Variants in PSD3 observed in about 807,000 individuals in gnomAD.
The protein encoded by PSD3 is pleckstrin and Sec7 domain containing 3, also known as PH and SEC7 domain-containing protein 3.
A neutral mutation model predicts 105.5 loss-of-function variants in PSD3; 49 were observed. That is an observed-to-expected ratio of 0.46 (90% CI 0.37 to 0.59). The LOEUF is 0.59. PSD3 is among the 20% of genes least tolerant of loss of function. The probability of loss-of-function intolerance (pLI) is 0.00; values close to 1 mark genes in which losing one functional copy is unlikely to be tolerated. For synonymous variants in PSD3, 557 were observed against 457.8 expected (o/e 1.22, Z -2.77); for missense variants, 1,561 against 1,263.8 (o/e 1.24, Z -3.57).
At chr8:18,804,463 C>G (rs540569766) in intron 6 of PSD3, 59 bp downstream of exon 6, 7 of 1,401,474 alleles carry the variant, frequency 5.0e-6, no homozygotes, top group Non-Finnish European at 6.9e-6. Flanking sequence ...ACATTACTTT[C>G]TTCTCTAAGA....
intron 4 of PSD3, among the ~76,000 whole-genome samples, chr8:18,856,399 G>T (rs1816009609): frequency 6.6e-6 from 1 of 151,538 alleles, no homozygotes; most frequent in Non-Finnish European, 1.5e-5. Flanking sequence ...ACTATGCCAG[G>T]GGTTCTCTGA....
intron 9 of PSD3, among the ~76,000 whole-genome samples, chr8:18,666,237 G>A (rs956768932): frequency 6.6e-6 from 1 of 152,184 alleles, no homozygotes; most frequent in African/African-American, 2.4e-5. Context: ...TTTTAGTAGA[G>A]ACAGGGTTTC....
In PSD3 at chr8:18,845,276, G is replaced by A. The variant is rs187067987; in HGVS notation, c.1634+22398C>T. 1.6e-3 allele frequency among the ~76,000 whole-genome samples: 248 copies of A among 152,300 alleles called. 1 individual carries two copies. The highest frequency in any genetic ancestry group is 2.4e-3 in the Non-Finnish European group (161 of 68,036). The stretch of plus-strand genomic sequence containing the variant: ...TAGATATGACTTTGAAGAGGATGGC[G>A]AGAGGAACGGCTGTCATCTCAGTAG... On this transcript the variant is annotated intron_variant, in intron 4 of 15. Coordinates refer to ENST00000327040, the MANE Select transcript of PSD3 (RefSeq NM_015310.4).
At chr8:18,831,952 A>G (rs1174947520) in intron 4 of PSD3, among the ~76,000 whole-genome samples, 1 of 152,226 alleles carries the variant, frequency 6.6e-6, no homozygotes, top group African/African-American at 2.4e-5. Flanking sequence ...ATAACTTGAG[A>G]AAAGTTGAAA....
intron 4 of PSD3, chr8:18,865,198 C>T (rs1329043641): frequency 8.2e-5 from 10 of 121,434 alleles, no homozygotes; most frequent in African/African-American, 3.1e-4. Context: ...TAAGATATCC[C>T]ACCAAACTGG....
At chr8:18,988,770 A>G (rs1009706272) in intron 1 of PSD3, among the ~76,000 whole-genome samples, 1 of 152,234 alleles carries the variant, frequency 6.6e-6, no homozygotes, top group Non-Finnish European at 1.5e-5. Context: ...CTTTTAAGGA[A>G]CAGAAATATG....
chr8:18,769,390 G>A (rs1231024110), intron 8 of PSD3, among the ~76,000 whole-genome samples: 2 of 152,096 alleles, frequency 1.3e-5, no homozygotes, highest in Non-Finnish European at 2.9e-5. Flanking sequence ...ACTAAAATAT[G>A]AGTATAAAAA....
chr8:18,629,674 A>AATG (rs1563398061), intron 11 of PSD3, among the ~76,000 whole-genome samples: 3 of 151,968 alleles, frequency 2.0e-5, no homozygotes, highest in Non-Finnish European at 4.4e-5. Context: ...AAAGACAGAT[A>AATG]ATCATCTGTC....
At chr8:18,822,711 G>T (rs1563313648) in intron 4 of PSD3, among the ~76,000 whole-genome samples, 1 of 152,142 alleles carries the variant, frequency 6.6e-6, no homozygotes, top group Non-Finnish European at 1.5e-5. Flanking sequence ...AAAACAGCTT[G>T]CACTCATGTT....
At chr8:19,033,345 A>ATC (rs1827833155) in intron 1 of PSD3, among the ~76,000 whole-genome samples, 1 of 152,058 alleles carries the variant, frequency 6.6e-6, no homozygotes, top group African/African-American at 2.4e-5. Flanking sequence ...CCTCTAGTAA[A>ATC]TGATTGATTA....
At position 18,555,732 on chromosome 8, in the gene PSD3, C is replaced by A. The variant is rs139632036; in HGVS notation, c.2928+477G>T. Among the ~76,000 whole-genome samples the A allele has an allele frequency of 5.3e-5, 8 of 152,294 alleles. No homozygotes were observed. In the East Asian group the frequency reaches 1.5e-3, roughly 29 times the overall value. On this transcript the variant is annotated intron_variant, in intron 15 of 15. Coordinates refer to ENST00000327040, the MANE Select transcript of PSD3 (RefSeq NM_015310.4). Reference sequence around the variant, plus strand: ...ATGTGCCACAACTTAATTTATCAACCCCCTTCTGAAGGGCAGTGGGTGACA... The same window carrying A: ...ATGTGCCACAACTTAATTTATCAACACCCTTCTGAAGGGCAGTGGGTGACA...
intron 2 of PSD3, among the ~76,000 whole-genome samples, chr8:18,878,242 A>G (rs1817863975): frequency 6.6e-6 from 1 of 152,156 alleles, no homozygotes; most frequent in Non-Finnish European, 1.5e-5. Flanking sequence ...ATCATTCAGT[A>G]GCCATGCATA....
At chr8:18,953,556 C>T (rs1823377333) in intron 1 of PSD3, among the ~76,000 whole-genome samples, 2 of 152,092 alleles carry the variant, frequency 1.3e-5, no homozygotes, top group South Asian at 4.1e-4. Context: ...CAAGACCAGC[C>T]TGGCCAACAT....
intron 8 of PSD3, among the ~76,000 whole-genome samples, chr8:18,798,573 G>A (rs186125699): frequency 1.6e-4 from 24 of 151,864 alleles, no homozygotes; most frequent in Non-Finnish European, 3.2e-4. Flanking sequence ...GATATATTAC[G>A]GCAAATCAAG....
chr8:18,835,586 G>A (rs1814038848), intron 4 of PSD3, among the ~76,000 whole-genome samples: 1 of 152,178 alleles, frequency 6.6e-6, no homozygotes, highest in East Asian at 1.9e-4. Context: ...ACAGCCAAGG[G>A]GCCGTGGGGA....
At chr8:18,596,976 C>A (rs577535125) in intron 12 of PSD3, among the ~76,000 whole-genome samples, 1 of 152,096 alleles carries the variant, frequency 6.6e-6, no homozygotes, top group South Asian at 2.1e-4. Flanking sequence ...TTTTATGAGG[C>A]CAGCATGACC....
At chr8:18,859,912 C>T (rs1414993900) in intron 4 of PSD3, among the ~76,000 whole-genome samples, 1 of 152,220 alleles carries the variant, frequency 6.6e-6, no homozygotes, top group Non-Finnish European at 1.5e-5. Context: ...TATGAAGTAG[C>T]ACTTTTAATT....
rs561109260 is a variant in PSD3 at position 18,716,565 on chromosome 8, G to A, written c.2172+48884C>T. ...AGTGGGAGAGGAAATAATGAGAGAT[G>A]AGGCAGGGAGGGTATTCAAGACCCA... On this transcript the variant is annotated intron_variant, in intron 9 of 15. Transcript: ENST00000327040. Among the ~76,000 whole-genome samples the A allele has an allele frequency of 1.9e-4, 29 of 152,266 alleles. No homozygotes were observed. In the Middle Eastern group the frequency reaches 0.014, roughly 71 times the overall value.
At chr8:19,083,772 T>C (rs1829717595) in intron 1 of PSD3, among the ~76,000 whole-genome samples, 1 of 152,128 alleles carries the variant, frequency 6.6e-6, no homozygotes, top group East Asian at 1.9e-4. Flanking sequence ...CCCAGTCACA[T>C]CTCCATCCCC....
Sources: allele counts gnomAD v4.1 joint callset (sites outside exome capture counted in the v4.1 genomes callset), GRCh38; gene constraint gnomAD v4.1.1; transcripts MANE v1.5; gene names NCBI Gene and HGNC (gene_info 2026-07-23, HGNC 2026-07-21).